The following TLN2 variants were observed in gnomAD, a reference collection of about 807,000 sequenced individuals.
The protein encoded by TLN2 is talin 2, also known as talin-2.
Under a neutral mutation model 294.7 loss-of-function variants are expected in TLN2, and 118 were observed. The observed-to-expected ratio is 0.40, with a 90% CI of 0.34 to 0.47. The LOEUF (loss-of-function observed/expected upper bound fraction) is 0.47, where lower values mean the gene tolerates loss of function less well. Among genes scored for constraint, TLN2 ranks in the 20% least tolerant of loss-of-function variants. The probability of loss-of-function intolerance (pLI) is 0.84; values close to 1 mark genes in which losing one functional copy is unlikely to be tolerated. For synonymous variants in TLN2, 1,431 were observed against 1,304.5 expected (o/e 1.10, Z -2.09); for missense variants, 3,083 against 3,282.2 (o/e 0.94, Z 1.48).
chr15:62,719,049 A>G (rs763854693), intron 24 of TLN2, among the ~76,000 whole-genome samples: 92 of 152,330 alleles, frequency 6.0e-4, no homozygotes, highest in Non-Finnish European at 1.1e-3. Context: ...CTTTATCCAC[A>G]ACGATGGCCA....
intron 1 of TLN2, among the ~76,000 whole-genome samples, chr15:62,529,599 G>A (rs1269619833): frequency 6.6e-6 from 1 of 151,040 alleles, no homozygotes; most frequent in Non-Finnish European, 1.5e-5. Context: ...TCCACAGAGG[G>A]TGGATAAGTA....
intron 54 of TLN2, 34 bp downstream of exon 54, chr15:62,820,644 C>A: frequency 6.2e-7 from 1 of 1,601,658 alleles, no homozygotes; most frequent in South Asian, 1.1e-5. Flanking sequence ...TGTCCGATGT[C>A]AGTGGGTTCT....
At chr15:62,456,249 T>C (rs1345961976) in intron 1 of TLN2, among the ~76,000 whole-genome samples, 1 of 152,154 alleles carries the variant, frequency 6.6e-6, no homozygotes, top group Non-Finnish European at 1.5e-5. Flanking sequence ...TTTGTCCTTT[T>C]CTGTAATCTG....
intron 57 of TLN2, among the ~76,000 whole-genome samples, chr15:62,836,666 C>G (rs960574485): frequency 2.5e-5 from 2 of 81,390 alleles, no homozygotes; most frequent in African/African-American, 1.5e-4. Flanking sequence ...CAATCAAGTC[C>G]TTCTCAGAGC....
At chr15:62,606,742 C>A (rs2047482306) in intron 2 of TLN2, among the ~76,000 whole-genome samples, 1 of 152,136 alleles carries the variant, frequency 6.6e-6, no homozygotes, top group African/African-American at 2.4e-5. Flanking sequence ...TGAAATTGGG[C>A]AGACTTGGGT....
At chr15:62,565,914 G>C (rs1028533672) in intron 1 of TLN2, among the ~76,000 whole-genome samples, 2 of 89,454 alleles carry the variant, frequency 2.2e-5, no homozygotes, top group African/African-American at 4.7e-5. Context: ...TACTAGCTGT[G>C]TGTGTGTGTG....
At chr15:62,774,982 A>C (rs965077151) in intron 42 of TLN2, among the ~76,000 whole-genome samples, 2 of 104,044 alleles carry the variant, frequency 1.9e-5, no homozygotes, top group African/African-American at 7.6e-5. Flanking sequence ...TTTGAGATGG[A>C]GTCTCGCTCT....
intron 2 of TLN2, among the ~76,000 whole-genome samples, chr15:62,595,434 A>T (rs995552303): frequency 7.0e-6 from 1 of 143,312 alleles, no homozygotes; most frequent in Non-Finnish European, 1.5e-5. Context: ...AAAAAAAAGG[A>T]TGAAAGATAA....
At chr15:62,685,702 T>C (rs956071233) in intron 11 of TLN2, among the ~76,000 whole-genome samples, 1 of 152,244 alleles carries the variant, frequency 6.6e-6, no homozygotes, top group African/African-American at 2.4e-5. Flanking sequence ...AAAAACATTT[T>C]CTGTTCATAT....
Position 62,740,323 on chromosome 15 carries a change from C to T in TLN2, c.3886-307C>T, listed in dbSNP as rs1384043539. 19 of 270,252 alleles carry T rather than the reference C, an allele frequency of 7.0e-5. 1 individual carries two copies. In the South Asian group the frequency reaches 9.2e-4, roughly 13 times the overall value. The allele number at this position is 270,252 out of a possible 1,614,324, so 16.7% of individuals were successfully genotyped here. On this transcript the variant is annotated intron_variant, in intron 31 of 58. Coordinates refer to ENST00000636159, the MANE Select transcript of TLN2 (RefSeq NM_015059.3). ...CTGGTCTGTGCATTGGCTCACAGCT[C>T]GCTCACTCTCCTCCCACCCTGCTCC...
intron 3 of TLN2, among the ~76,000 whole-genome samples, chr15:62,635,021 GT>G (rs2050247020): frequency 6.6e-6 from 1 of 152,086 alleles, no homozygotes; most frequent in African/African-American, 2.4e-5. Flanking sequence ...TCTTGGTCTG[GT>G]CCCTTGCAGC....
intron 1 of TLN2, among the ~76,000 whole-genome samples, chr15:62,525,489 A>C (rs1161811827): frequency 6.6e-6 from 1 of 152,158 alleles, no homozygotes; most frequent in Non-Finnish European, 1.5e-5. Flanking sequence ...TTCTCTAATC[A>C]TATTTTCTCT....
chr15:62,827,628 C>T (rs2068339643), intron 54 of TLN2: 1 of 152,144 alleles, frequency 6.6e-6, no homozygotes, highest in Non-Finnish European at 1.5e-5. Flanking sequence ...CTGACGCTTA[C>T]TGATTTGTGG....
intron 1 of TLN2, among the ~76,000 whole-genome samples, chr15:62,524,230 A>G (rs1256660529): frequency 2.0e-5 from 3 of 152,154 alleles, no homozygotes; most frequent in Non-Finnish European, 2.9e-5. Flanking sequence ...GGGAAATAAA[A>G]CTGTCTTACT....
At chr15:62,552,554 T>A (rs1408696103) in intron 1 of TLN2, among the ~76,000 whole-genome samples, 2 of 152,186 alleles carry the variant, frequency 1.3e-5, no homozygotes. Flanking sequence ...GTTTTTGCAT[T>A]TTTATACTTT....
chr15:62,477,779 C>T (rs879542691), intron 1 of TLN2, among the ~76,000 whole-genome samples: 3 of 151,782 alleles, frequency 2.0e-5, no homozygotes, highest in East Asian at 1.9e-4. Context: ...CAGAAACCTT[C>T]GAGCAGGTAG....
rs1334866312 is a variant in TLN2 at position 62,664,847 on chromosome 15, G to A, written c.788+6949G>A. Among the ~76,000 whole-genome samples, 7 of 12,894 alleles carry A rather than the reference G, an allele frequency of 5.4e-4. No homozygotes were observed. The East Asian group carries it at 8.2e-3, about 15-fold the overall frequency. The allele number at this position is 12,894 out of a possible 152,430, so 8.5% of individuals were successfully genotyped here. On this transcript the variant is annotated intron_variant, in intron 9 of 58. Transcript: ENST00000636159. ...GTACTCCAGCCTGGGCAACAAGAGGGAAACTGTCTCAAAAAAAAAAAAAAA... is the reference window on the plus strand; with the variant it reads ...GTACTCCAGCCTGGGCAACAAGAGGAAAACTGTCTCAAAAAAAAAAAAAAA...
intron 21 of TLN2, among the ~76,000 whole-genome samples, chr15:62,709,291 G>T (rs1286309483): frequency 3.3e-5 from 5 of 152,290 alleles, no homozygotes; most frequent in Non-Finnish European, 7.4e-5. Context: ...GGAAATGCAG[G>T]GCAGAATAAA....
chr15:62,676,159 C>T (rs2056165139), intron 11 of TLN2, among the ~76,000 whole-genome samples: 1 of 152,160 alleles, frequency 6.6e-6, no homozygotes, highest in African/African-American at 2.4e-5. Flanking sequence ...TGTCTTTCCC[C>T]ACAGCCAAAG....
Sources: allele counts gnomAD v4.1 joint callset (sites outside exome capture counted in the v4.1 genomes callset), GRCh38; gene constraint gnomAD v4.1.1; transcripts MANE v1.5; gene names NCBI Gene and HGNC (gene_info 2026-07-23, HGNC 2026-07-21).